ANKRD17: variants seen among roughly 807,000 people sequenced by gnomAD.
ANKRD17 encodes the protein ankyrin repeat domain-containing protein 17.
ANKRD17 carries 19 observed loss-of-function variants against 229.7 expected under a neutral mutation model. That is an observed-to-expected ratio of 0.08 (90% CI 0.06 to 0.12). The LOEUF is 0.12. Among genes scored for constraint, ANKRD17 ranks in the 10% least tolerant of loss-of-function variants. The pLI is 1.00. For missense variants in ANKRD17, 2,176 were observed against 3,176.8 expected (o/e 0.68, Z 7.57); for synonymous variants, 1,112 against 1,146.1 (o/e 0.97, Z 0.60).
intron 30 of ANKRD17, among the ~76,000 whole-genome samples, chr4:73,083,043 AT>A (rs1034006208): frequency 1.3e-5 from 2 of 152,152 alleles, no homozygotes; most frequent in African/African-American, 4.8e-5. Context: ...GAATAAAATA[AT>A]TTTACACACA....
Position 73,258,610 on chromosome 4 carries a change from G to C in ANKRD17, c.59C>G (p.Pro20Arg). 1 of 1,480,532 alleles carries C rather than the reference G, an allele frequency of 6.8e-7. No homozygotes were observed. The highest frequency in any genetic ancestry group is 8.9e-7 in the Non-Finnish European group (1 of 1,125,534). 91.7% of individuals were successfully genotyped at this position (1,480,532 alleles called of 1,614,324 possible). The change falls in exon 1 of 34, where the codon CCC (proline) becomes CGC (arginine). Residue 20 changes from proline to arginine, a missense_variant. Around this residue, in one of 18 missense-constraint regions of ANKRD17, gnomAD observed 196 missense variants for 190.0 expected, o/e 1.03. Coordinates refer to ENST00000358602, the MANE Select transcript of ANKRD17 (RefSeq NM_032217.5). Reference sequence around the variant, plus strand: ...GCCCGCCACAGCCGCCACCGCCGGGGGGCTCCCTTCTCCTTCTGCAGCCGT... The same window carrying C: ...GCCCGCCACAGCCGCCACCGCCGGGCGGCTCCCTTCTCCTTCTGCAGCCGT... ...AATAAEGEGSPPAVAAVAGPP... is the reference protein window; with the variant it reads ...AATAAEGEGSRPAVAAVAGPP...
intron 3 of ANKRD17, among the ~76,000 whole-genome samples, chr4:73,159,307 T>C (rs1194637488): frequency 1.3e-5 from 2 of 152,200 alleles, no homozygotes; most frequent in African/African-American, 2.4e-5. Flanking sequence ...AAGTAGTCTC[T>C]CTCTGTCTCT....
At chr4:73,233,262 C>T (rs1369228365) in intron 1 of ANKRD17, among the ~76,000 whole-genome samples, 1 of 151,860 alleles carries the variant, frequency 6.6e-6, no homozygotes, top group African/African-American at 2.4e-5. Context: ...GACTGTCCAC[C>T]GAAAAAACGA....
chr4:73,099,054 C>T (rs1300668964), intron 25 of ANKRD17: 6 of 960,804 alleles, frequency 6.2e-6, no homozygotes, highest in South Asian at 3.9e-5. Context: ...ACCACCACAA[C>T]TCCAGGAAGG....
At chr4:73,237,413 C>T (rs867098062) in intron 1 of ANKRD17, among the ~76,000 whole-genome samples, 1 of 152,184 alleles carries the variant, frequency 6.6e-6, no homozygotes, top group Non-Finnish European at 1.5e-5. Flanking sequence ...AAGGCATATT[C>T]ACAACTTAAA....
chr4:73,203,442 G>A (rs1343601301), intron 1 of ANKRD17, among the ~76,000 whole-genome samples: 1 of 152,094 alleles, frequency 6.6e-6, no homozygotes, highest in Admixed American at 6.6e-5. Flanking sequence ...AAAGAGAGAA[G>A]GAGGGTAGAA....
rs1296191606 is a variant in ANKRD17, at chr4:73,075,600, T to C, written c.*631A>G. ...CAAATAAACCAAAAAGAAAGCAAGA[T>C]GGGTATTTTAAAAGCCAATGTGGGG... On this transcript the variant is annotated 3_prime_UTR_variant, in exon 34 of 34. Coordinates refer to ENST00000358602, the MANE Select transcript of ANKRD17 (RefSeq NM_032217.5). 6.6e-6 allele frequency: 1 copy of C among 152,588 alleles called. No homozygotes were observed. Among genetic ancestry groups the C allele is most frequent in the African/African-American group, 2.4e-5 (1 of 41,454 alleles). The allele number at this position is 152,588 out of a possible 1,614,324, so 9.5% of individuals were successfully genotyped here.
chr4:73,203,905 A>G (rs1739056821), intron 1 of ANKRD17, among the ~76,000 whole-genome samples: 1 of 152,144 alleles, frequency 6.6e-6, no homozygotes, highest in Non-Finnish European at 1.5e-5. Flanking sequence ...TCACAATGAA[A>G]CTACTAAAAA....
intron 1 of ANKRD17, among the ~76,000 whole-genome samples, chr4:73,250,333 A>G (rs1433422470): frequency 6.6e-6 from 1 of 151,980 alleles, no homozygotes; most frequent in African/African-American, 2.4e-5. Flanking sequence ...TGCGCACAGT[A>G]GCTCACATCT....
At position 73,250,324 on chromosome 4, in the gene ANKRD17, G is replaced by A. The variant is rs189987723; in HGVS notation, c.393+7952C>T. Reference sequence around the variant, plus strand: ...TATATCAAAATTGTTTATAAAGGCTGCGCACAGTAGCTCACATCTGCAAGC... The same window carrying A: ...TATATCAAAATTGTTTATAAAGGCTACGCACAGTAGCTCACATCTGCAAGC... On this transcript the variant is annotated intron_variant, in intron 1 of 33. Coordinates refer to ENST00000358602, the MANE Select transcript of ANKRD17 (RefSeq NM_032217.5). 1.4e-4 allele frequency among the ~76,000 whole-genome samples: 22 copies of A among 152,086 alleles called. 1 individual carries two copies. Among genetic ancestry groups the A allele is most frequent in the Admixed American group, 7.9e-4 (12 of 15,276 alleles).
intron 29 of ANKRD17, among the ~76,000 whole-genome samples, chr4:73,087,474 G>C (rs1267490517): frequency 6.6e-6 from 1 of 152,132 alleles, no homozygotes; most frequent in Non-Finnish European, 1.5e-5. Context: ...TCTAATCATG[G>C]ATTGACATAA....
At chr4:73,124,818 TCAAAG>T (rs1727223924) in intron 18 of ANKRD17, 90 bp downstream of exon 18, 1 of 1,428,100 alleles carries the variant, frequency 7.0e-7, no homozygotes, top group Non-Finnish European at 9.5e-7. Context: ...AATCTAAACG[TCAAAG>T]CATTGTTCTG....
At chr4:73,123,970 C>T (rs1023862084) in intron 18 of ANKRD17, among the ~76,000 whole-genome samples, 9 of 150,876 alleles carry the variant, frequency 6.0e-5, no homozygotes, top group Admixed American at 1.3e-4. Context: ...GGCTAACAAC[C>T]GAAACAAGAC....
At position 73,098,377 on chromosome 4, in the gene ANKRD17, T is replaced by C. The variant is rs759831155; in HGVS notation, c.4717A>G (p.Lys1573Glu). Reference sequence around the variant, plus strand: ...ACGTTTTCTGGAGTAATTTTATTTTTCCTGTTTTTCCTCTTTGAACTGGTT... The same window carrying C: ...ACGTTTTCTGGAGTAATTTTATTTTCCCTGTTTTTCCTCTTTGAACTGGTT... ...TTTSSKRKNRKNKITPENVQI... is the reference protein window; with the variant it reads ...TTTSSKRKNRENKITPENVQI... The change falls in exon 26 of 34, where the codon AAA (lysine) becomes GAA (glutamate). Residue 1573 changes from lysine (K) to glutamate (E), a missense_variant. Lys to Glu is a moderately conservative substitution (Grantham distance 56). Coordinates refer to ENST00000358602, the MANE Select transcript of ANKRD17 (RefSeq NM_032217.5). The C allele has an allele frequency of 3.1e-6, 5 of 1,614,230 alleles. No homozygotes were observed. The highest frequency in any genetic ancestry group is 3.4e-6 in the Non-Finnish European group (4 of 1,180,024).
intron 9 of ANKRD17, 42 bp from the exon 10 acceptor site, chr4:73,146,915 C>T: frequency 6.7e-7 from 1 of 1,496,986 alleles, no homozygotes; most frequent in South Asian, 1.2e-5. Flanking sequence ...AATAAAGGAG[C>T]CATAAGACAT....
intron 8 of ANKRD17, among the ~76,000 whole-genome samples, chr4:73,148,197 T>G (rs576243408): frequency 2.6e-5 from 4 of 152,294 alleles, no homozygotes; most frequent in East Asian, 3.9e-4. Flanking sequence ...TTTAAAAGTG[T>G]CATTCCTCTT....
intron 28 of ANKRD17, 25 bp downstream of exon 28, chr4:73,094,054 G>A (rs1204030969): frequency 5.0e-6 from 8 of 1,608,878 alleles, no homozygotes; most frequent in Non-Finnish European, 6.0e-6. Flanking sequence ...AATAAAGGAA[G>A]AAAATGTAAG....
intron 7 of ANKRD17, among the ~76,000 whole-genome samples, chr4:73,150,834 C>T (rs1390626392): frequency 6.6e-6 from 1 of 151,938 alleles, no homozygotes. Context: ...TGAGCCATTC[C>T]CGAATACAAA....
At chr4:73,189,609 A>AGCCATC (rs1477767944) in intron 1 of ANKRD17, among the ~76,000 whole-genome samples, 5 of 152,058 alleles carry the variant, frequency 3.3e-5, no homozygotes, top group Non-Finnish European at 7.4e-5. Context: ...TACAGGCGTG[A>AGCCATC]GCCATCGCAC....
Sources: gnomAD v4.1 joint callset for allele counts (sites outside exome capture counted in the v4.1 genomes callset) on GRCh38, gnomAD v4.1.1 for gene constraint, gnomAD v4.1.1 regional missense constraint, MANE v1.5 for transcripts, NCBI Gene and HGNC (gene_info 2026-07-23, HGNC 2026-07-21) for gene names.